Variants in AFF3 observed in about 807,000 individuals in gnomAD.
AFF3 encodes the protein ALF transcription elongation factor 3.
In AFF3, 32 loss-of-function variants were observed where a neutral mutation model predicts 129.7. The observed-to-expected ratio is 0.25, with a 90% CI of 0.19 to 0.33. AFF3 has a LOEUF of 0.33. Among genes scored for constraint, AFF3 ranks in the 10% least tolerant of loss-of-function variants. The pLI is 1.00. For missense variants in AFF3, 1,373 were observed against 1,592.0 expected (o/e 0.86, Z 2.34); for synonymous variants, 644 against 635.4 (o/e 1.01, Z -0.20).
chr2:99,816,104 T>C (rs568819952), intron 8 of AFF3, among the ~76,000 whole-genome samples: 3 of 152,030 alleles, frequency 2.0e-5, no homozygotes, highest in Admixed American at 1.3e-4. Flanking sequence ...CTTATCTTCA[T>C]GCTCACTGAT....
chr2:99,819,411 T>C (rs1483827207), intron 8 of AFF3, among the ~76,000 whole-genome samples: 6 of 152,336 alleles, frequency 3.9e-5, no homozygotes, highest in Admixed American at 6.5e-5. Context: ...AGATTTCCTT[T>C]AAGTAAAGCT....
At chr2:99,559,027 A>T in intron 21 of AFF3, 59 bp from the exon 22 acceptor site, 3 of 1,496,694 alleles carry the variant, frequency 2.0e-6, no homozygotes, top group Non-Finnish European at 1.9e-6. Flanking sequence ...CGCAAACAAG[A>T]CTTAAACATT....
chr2:99,559,035 A>G, intron 21 of AFF3, 67 bp from the exon 22 acceptor site: 2 of 1,450,606 alleles, frequency 1.4e-6, no homozygotes, highest in Non-Finnish European at 1.9e-6. Flanking sequence ...AGACTTAAAC[A>G]TTTTTGTTGT....
At chr2:99,578,232 T>G (rs1677177878) in intron 18 of AFF3, 95 bp downstream of exon 18, 6 of 1,463,202 alleles carry the variant, frequency 4.1e-6, no homozygotes, top group Non-Finnish European at 5.4e-6. Context: ...GCACTGTAGC[T>G]GAAGGTGGCC....
At chr2:99,837,115 G>A (rs986904892) in intron 8 of AFF3, among the ~76,000 whole-genome samples, 7 of 152,106 alleles carry the variant, frequency 4.6e-5, no homozygotes, top group Non-Finnish European at 1.0e-4. Context: ...AAATAACCAG[G>A]CAACCCCTGC....
chr2:99,981,626 GT>G (rs1210420033), intron 7 of AFF3, among the ~76,000 whole-genome samples: 1 of 152,112 alleles, frequency 6.6e-6, no homozygotes, highest in Non-Finnish European at 1.5e-5. Flanking sequence ...TTTCCTACAT[GT>G]TTTTGAATAT....
chr2:99,618,224 C>CTT (rs70940180), intron 13 of AFF3, among the ~76,000 whole-genome samples: 1,429 of 80,012 alleles, frequency 0.018, 334 homozygotes, highest in African/African-American at 0.05. Context: ...TCATAACATT[C>CTT]TTTTTTTTTT....
chr2:99,812,945 G>A (rs1460075781), intron 8 of AFF3, among the ~76,000 whole-genome samples: 1 of 151,974 alleles, frequency 6.6e-6, no homozygotes, highest in African/African-American at 2.4e-5. Flanking sequence ...TTTAGTCATT[G>A]CTGATTATGT....
chr2:99,809,145 A>G (rs1686591950), intron 8 of AFF3, among the ~76,000 whole-genome samples: 1 of 152,250 alleles, frequency 6.6e-6, no homozygotes, highest in Non-Finnish European at 1.5e-5. Flanking sequence ...TTGACTTTAA[A>G]AAATTTTCTT....
rs180707603 is a variant in AFF3 at position 99,743,740 on chromosome 2, T to C, written c.1039+364A>G. 6.7e-3 allele frequency among the ~76,000 whole-genome samples: 1,027 copies of C among 152,320 alleles called. 9 individuals are homozygous for C. The highest frequency in any genetic ancestry group is 0.024 in the Middle Eastern group (7 of 292). On this transcript the variant is annotated intron_variant, in intron 10 of 24. Coordinates refer to ENST00000672756, the MANE Select transcript of AFF3 (RefSeq NM_001386135.1). ...GGTCAATTATCTTAAGGTCTACTGA[T>C]TGATTTTCTTTGCCCACTCATTTTC...
chr2:99,952,731 T>C (rs1481237827), intron 7 of AFF3, among the ~76,000 whole-genome samples: 1 of 152,214 alleles, frequency 6.6e-6, no homozygotes, highest in Non-Finnish European at 1.5e-5. Context: ...TCATGTGTCA[T>C]GTTTTCCTTT....
intron 7 of AFF3, among the ~76,000 whole-genome samples, chr2:99,872,885 C>T (rs1672720075): frequency 1.3e-5 from 2 of 152,300 alleles, no homozygotes; most frequent in South Asian, 4.1e-4. Flanking sequence ...GTGGCAGATA[C>T]AAGTTTTCTA....
intron 8 of AFF3, among the ~76,000 whole-genome samples, chr2:99,806,002 G>C (rs886502603): frequency 6.6e-6 from 1 of 151,650 alleles, no homozygotes; most frequent in Admixed American, 6.6e-5. Context: ...ACTTATTCTT[G>C]GACAAAATAA....
chr2:99,976,472 A>G (rs1678901438), intron 7 of AFF3, among the ~76,000 whole-genome samples: 1 of 152,214 alleles, frequency 6.6e-6, no homozygotes, highest in South Asian at 2.1e-4. Context: ...TTTCAACTGG[A>G]TCTATAACTC....
chr2:100,017,665 G>C (rs1683246446), intron 4 of AFF3, among the ~76,000 whole-genome samples: 1 of 152,220 alleles, frequency 6.6e-6, no homozygotes, highest in African/African-American at 2.4e-5. Context: ...AATGTTGCTA[G>C]TAACAACTAC....
At chr2:100,002,236 T>C (rs1181335362) in intron 7 of AFF3, among the ~76,000 whole-genome samples, 1 of 152,238 alleles carries the variant, frequency 6.6e-6, no homozygotes, top group Non-Finnish European at 1.5e-5. Flanking sequence ...AGATGCCTTT[T>C]TTGCCCGACA....
chr2:100,002,796 G>A (rs1364914170), intron 7 of AFF3, among the ~76,000 whole-genome samples: 2 of 152,174 alleles, frequency 1.3e-5, no homozygotes, highest in African/African-American at 4.8e-5. Flanking sequence ...TGTAGGTTTT[G>A]GAATACACTG....
At chr2:100,082,031 G>GTTC (rs755322554) in intron 4 of AFF3, among the ~76,000 whole-genome samples, 11 of 152,134 alleles carry the variant, frequency 7.2e-5, no homozygotes, top group African/African-American at 2.4e-4. Context: ...TGTATTGATA[G>GTTC]TTCTTCCCTT....
chr2:99,863,396 G>A (rs1558925605), intron 7 of AFF3, among the ~76,000 whole-genome samples: 2 of 151,932 alleles, frequency 1.3e-5, no homozygotes, highest in South Asian at 2.1e-4. Flanking sequence ...TCAACAGTTA[G>A]ACTATTCTAT....
Sources: allele counts gnomAD v4.1 joint callset (sites outside exome capture counted in the v4.1 genomes callset), GRCh38; gene constraint gnomAD v4.1.1; transcripts MANE v1.5; gene names NCBI Gene and HGNC (gene_info 2026-07-23, HGNC 2026-07-21).